Variants in TTC12 observed in about 807,000 individuals in gnomAD.
The protein encoded by TTC12 is tetratricopeptide repeat domain 12.
In TTC12, 70 loss-of-function variants were observed where a neutral mutation model predicts 90.1. The ratio of observed to expected loss-of-function variants is 0.78; its 90% CI spans 0.64 to 0.95. The LOEUF (loss-of-function observed/expected upper bound fraction) is 0.95. Among genes scored for constraint, TTC12 ranks in the 40% least tolerant of loss-of-function variants. The pLI is 0.00. For missense variants in TTC12, 819 were observed against 846.1 expected, an observed-to-expected ratio of 0.97 and a Z score of 0.40; for synonymous variants, 296 against 311.5, an observed-to-expected ratio of 0.95 and a Z score of 0.53.
At chr11:113,351,990 GA>G in intron 15 of TTC12, 79 bp from the exon 16 acceptor site, 1 of 1,512,570 alleles carries the variant, frequency 6.6e-7, no homozygotes, top group Non-Finnish European at 8.9e-7. Context: ...GCCTTTTGGT[GA>G]GTGAGGGATG....
chr11:113,371,920 T>C (rs1040375591), intron 21 of TTC12, among the ~76,000 whole-genome samples: 2 of 152,204 alleles, frequency 1.3e-5, no homozygotes, highest in African/African-American at 4.8e-5. Context: ...ACTTGGCACA[T>C]GGAAGCCCTG....
At position 113,345,783 on chromosome 11, in the gene TTC12, T is replaced by C. The variant is rs114400476; in HGVS notation, c.1154+1343T>C. Reference sequence around the variant, plus strand: ...TACCTTCATCGTATTTTTTTAATATTGTTTTTGTCTCTTTGAGTAAATGTA... The same window carrying C: ...TACCTTCATCGTATTTTTTTAATATCGTTTTTGTCTCTTTGAGTAAATGTA... On this transcript the variant is annotated intron_variant, in intron 13 of 21. Transcript: ENST00000529221. 4.8e-3 allele frequency among the ~76,000 whole-genome samples: 725 copies of C among 152,316 alleles called. 4 individuals carry two copies. Among genetic ancestry groups the C allele is most frequent in the African/African-American group, 0.016 (682 of 41,576 alleles).
chr11:113,329,804 T>C lies in TTC12; in HGVS notation c.445-116T>C. Reference sequence around the variant, plus strand: ...TGTTTCCTGGCAGGACCATGACTGATCCAGGTAGGGGATAGTTCTCGCTGA... The same window carrying C: ...TGTTTCCTGGCAGGACCATGACTGACCCAGGTAGGGGATAGTTCTCGCTGA... On this transcript the variant is annotated intron_variant, in intron 6 of 21. Transcript: ENST00000529221. 5 of 873,446 alleles carry C rather than the reference T, an allele frequency of 5.7e-6. No individual in the cohort carries two copies. In the South Asian group the frequency reaches 6.7e-5, roughly 12 times the overall value. The allele number at this position is 873,446 out of a possible 1,614,324, so 54.1% of individuals were successfully genotyped here. A position where few individuals can be genotyped will look rare whatever the true frequency, so the allele number is the denominator to read the frequency against.
At chr11:113,333,176 G>C (rs1196625759) in intron 7 of TTC12, among the ~76,000 whole-genome samples, 1 of 152,066 alleles carries the variant, frequency 6.6e-6, no homozygotes, top group Non-Finnish European at 1.5e-5. Flanking sequence ...TGGCATGCAA[G>C]GCTACCATAT....
intron 2 of TTC12, among the ~76,000 whole-genome samples, chr11:113,321,019 A>G (rs528440863): frequency 6.6e-6 from 1 of 152,354 alleles, no homozygotes; most frequent in Non-Finnish European, 1.5e-5. Flanking sequence ...CTTAAAAAAA[A>G]AAGAATTTTT....
intron 6 of TTC12, 82 bp from the exon 7 acceptor site, chr11:113,329,838 T>C (rs1555142124): frequency 1.8e-6 from 2 of 1,142,290 alleles, no homozygotes; most frequent in Admixed American, 1.7e-5. Context: ...GACATTCTAC[T>C]GTTCGAATGT....
At chr11:113,351,411 T>C in intron 15 of TTC12, 112 bp downstream of exon 15, 1 of 880,806 alleles carries the variant, frequency 1.1e-6, no homozygotes, top group Non-Finnish European at 1.9e-6. Flanking sequence ...GGTTGATTAG[T>C]CATTTATTCA....
chr11:113,338,228 C>G (rs900009395), intron 8 of TTC12, among the ~76,000 whole-genome samples: 20 of 152,182 alleles, frequency 1.3e-4, no homozygotes, highest in African/African-American at 4.8e-4. Context: ...AACTTTCTAT[C>G]TAGCAGTTTC....
intron 12 of TTC12, among the ~76,000 whole-genome samples, chr11:113,342,872 A>G (rs565128162): frequency 6.6e-6 from 1 of 152,302 alleles, no homozygotes; most frequent in South Asian, 2.1e-4. Flanking sequence ...ACTCCCCTAC[A>G]GGAGGGCGAG....
chr11:113,364,617 C>G (rs112912921), intron 20 of TTC12: 8 of 565,620 alleles, frequency 1.4e-5, no homozygotes, highest in African/African-American at 7.5e-5. Flanking sequence ...GGGCACTGTT[C>G]TAGGAAGCGG....
chr11:113,347,109 CT>C (rs1949013533), intron 13 of TTC12, among the ~76,000 whole-genome samples: 1 of 152,226 alleles, frequency 6.6e-6, no homozygotes, highest in South Asian at 2.1e-4. Context: ...TGGTCTTAGA[CT>C]GTTGTCTCAT....
At chr11:113,356,618 C>T (rs1555152533) in intron 16 of TTC12, among the ~76,000 whole-genome samples, 1 of 152,180 alleles carries the variant, frequency 6.6e-6, no homozygotes, top group East Asian at 1.9e-4. Context: ...TCTTCAGGAG[C>T]TCTGGTATGA....
At position 113,365,055 on chromosome 11, in the gene TTC12, G is replaced by A. The variant is rs1356205355; in HGVS notation, c.2037G>A (p.Glu679=). 1 of 1,613,344 alleles carries A rather than the reference G, an allele frequency of 6.2e-7. No homozygotes were observed. The highest frequency in any genetic ancestry group is 8.5e-7 in the Non-Finnish European group (1 of 1,179,442). ...GIALGKLCTA[E]PRFAAQLRKL... ...CTCTGGGGAAGCTGTGCACAGCTGAGCCCAGGTATGCTGTGGACACGGAGC... is the reference window on the plus strand; with the variant it reads ...CTCTGGGGAAGCTGTGCACAGCTGAACCCAGGTATGCTGTGGACACGGAGC... The change falls in exon 21 of 22, where the codon GAG becomes GAA. Residue 679 remains glutamate, a synonymous_variant. Coordinates refer to ENST00000529221, the MANE Select transcript of TTC12 (RefSeq NM_017868.4).
chr11:113,323,391 G>A lies in TTC12; in HGVS notation c.162G>A (p.Glu54=). Residue 54 remains glutamate, a synonymous_variant, in exon 3 of 22, where the codon GAG becomes GAA. Transcript: ENST00000529221. Reference sequence around the variant, plus strand: ...TGCTTATGGAGGAAGACCAGGAGGAGGATGAATGCAGGACCACCTTGAACA... The same window carrying A: ...TGCTTATGGAGGAAGACCAGGAGGAAGATGAATGCAGGACCACCTTGAACA... ...RLLLMEEDQE[E]DECRTTLNKT... is the part of the protein sequence containing the mutation. 4.3e-6 allele frequency: 7 copies of A among 1,613,334 alleles called. No homozygotes were observed. The highest frequency in any genetic ancestry group is 5.9e-6 in the Non-Finnish European group (7 of 1,179,746).
chr11:113,321,441 A>G (rs1947332511), intron 2 of TTC12, among the ~76,000 whole-genome samples: 1 of 152,232 alleles, frequency 6.6e-6, no homozygotes, highest in Non-Finnish European at 1.5e-5. Flanking sequence ...TGGATTAACT[A>G]TGGTATATAT....
intron 10 of TTC12, 117 bp from the exon 11 acceptor site, chr11:113,340,547 C>T (rs759704142): frequency 2.7e-6 from 2 of 735,106 alleles, no homozygotes; most frequent in Non-Finnish European, 4.9e-6. Flanking sequence ...CCAAACCATT[C>T]ACGTGGGTAC....
At chr11:113,331,771 C>G (rs1555142616) in intron 7 of TTC12, among the ~76,000 whole-genome samples, 1 of 152,198 alleles carries the variant, frequency 6.6e-6, no homozygotes, top group African/African-American at 2.4e-5. Flanking sequence ...CGAGGCCAAG[C>G]AGGCCCAATG....
intron 12 of TTC12, among the ~76,000 whole-genome samples, chr11:113,343,035 A>G (rs1555146712): frequency 6.6e-6 from 1 of 152,216 alleles, no homozygotes; most frequent in East Asian, 1.9e-4. Flanking sequence ...TGTGATGTAA[A>G]TGCTGTATCA....
rs75308610 is a variant in TTC12, at chr11:113,323,828, C to A, written c.223-166C>A. On this transcript the variant is annotated intron_variant, in intron 3 of 21. Coordinates refer to ENST00000529221, the MANE Select transcript of TTC12 (RefSeq NM_017868.4). ...ATAGCAATTGTGCCCATACTCAGAT[C>A]TCCTGATTTAAAGCAAGCCCCATGA... Among the ~76,000 whole-genome samples, 1,496 of 152,300 alleles carry A rather than the reference C, an allele frequency of 9.8e-3. 30 individuals are homozygous for A. The highest frequency in any genetic ancestry group is 0.034 in the African/African-American group (1,400 of 41,566).
Sources: allele counts gnomAD v4.1 joint callset (sites outside exome capture counted in the v4.1 genomes callset), GRCh38; gene constraint gnomAD v4.1.1; transcripts MANE v1.5; gene names NCBI Gene and HGNC (gene_info 2026-07-23, HGNC 2026-07-21).